PKIB: variants seen among roughly 807,000 people sequenced by gnomAD.
The protein encoded by PKIB is PKI-beta.
PKIB carries 2 observed loss-of-function variants against 4.5 expected under a neutral mutation model. The observed-to-expected ratio is 0.44, with a 90% confidence interval of 0.18 to 1.39. The LOEUF (loss-of-function observed/expected upper bound fraction) is 1.39. Ranked by LOEUF, PKIB falls within the 40% of genes most tolerant of loss-of-function variation. The pLI is 0.27. For synonymous variants in PKIB, 38 were observed against 36.0 expected (o/e 1.06, Z -0.20); for missense variants, 94 against 92.6 (o/e 1.02, Z -0.06).
At chr6:122,587,635 C>T (rs370529432) in intron 3 of PKIB, among the ~76,000 whole-genome samples, 7 of 152,010 alleles carry the variant, frequency 4.6e-5, no homozygotes, top group African/African-American at 9.7e-5. Context: ...TAGTTTACAG[C>T]CCCACCAACA....
At chr6:122,612,292 A>C (rs1434690824) in intron 1 of PKIB, among the ~76,000 whole-genome samples, 1 of 152,158 alleles carries the variant, frequency 6.6e-6, no homozygotes, top group African/African-American at 2.4e-5. Context: ...AATATTTAAA[A>C]ATTATATTTC....
intron 3 of PKIB, among the ~76,000 whole-genome samples, chr6:122,709,504 AAC>A (rs1448237519): frequency 6.6e-6 from 1 of 152,114 alleles, no homozygotes; most frequent in Non-Finnish European, 1.5e-5. Flanking sequence ...TTTAATTAAA[AAC>A]AGTTTACTAT....
At chr6:122,484,323 A>G (rs1302724830) in intron 2 of PKIB, among the ~76,000 whole-genome samples, 1 of 152,208 alleles carries the variant, frequency 6.6e-6, no homozygotes, top group Non-Finnish European at 1.5e-5. Flanking sequence ...TGTATAAAAT[A>G]ATTTCGTATG....
chr6:122,568,874 C>T (rs998698407), intron 2 of PKIB, among the ~76,000 whole-genome samples: 8 of 152,064 alleles, frequency 5.3e-5, no homozygotes, highest in South Asian at 2.1e-4. Context: ...CTTATGGCCT[C>T]GGGCAGGTCT....
At chr6:122,682,682 A>T (rs1455393379) in intron 3 of PKIB, among the ~76,000 whole-genome samples, 4 of 151,970 alleles carry the variant, frequency 2.6e-5, no homozygotes, top group Admixed American at 2.6e-4. Context: ...GCTGCCCATC[A>T]CCTCTCGTCT....
intron 2 of PKIB, among the ~76,000 whole-genome samples, chr6:122,502,102 A>G (rs1421411087): frequency 1.3e-5 from 2 of 151,686 alleles, no homozygotes; most frequent in East Asian, 3.9e-4. Flanking sequence ...ACAGGCCTGC[A>G]CCACCACACC....
At chr6:122,518,186 C>T (rs575737884) in intron 2 of PKIB, among the ~76,000 whole-genome samples, 1 of 152,072 alleles carries the variant, frequency 6.6e-6, no homozygotes, top group Non-Finnish European at 1.5e-5. Context: ...CTTCTTTGAG[C>T]TTATTTGCCC....
intron 2 of PKIB, among the ~76,000 whole-genome samples, chr6:122,549,605 C>G (rs977106486): frequency 2.6e-5 from 4 of 152,056 alleles, no homozygotes; most frequent in African/African-American, 9.6e-5. Context: ...AGAAAAATAA[C>G]ATTTTTGACT....
intron 2 of PKIB, among the ~76,000 whole-genome samples, chr6:122,648,626 T>A (rs900471555): frequency 1.3e-5 from 2 of 152,206 alleles, no homozygotes; most frequent in African/African-American, 4.8e-5. Context: ...ACTGTAAGCA[T>A]GGATGAATTA....
chr6:122,563,061 T>G (rs1773079671), intron 2 of PKIB, among the ~76,000 whole-genome samples: 1 of 152,118 alleles, frequency 6.6e-6, no homozygotes, highest in Non-Finnish European at 1.5e-5. Flanking sequence ...TTACCAGGGT[T>G]GGTTTTCTGG....
chr6:122,529,807 T>C (rs1777203568), intron 2 of PKIB, among the ~76,000 whole-genome samples: 2 of 152,276 alleles, frequency 1.3e-5, no homozygotes, highest in African/African-American at 4.8e-5. Flanking sequence ...CCTGATAATC[T>C]TATGGAAACT....
intron 3 of PKIB, among the ~76,000 whole-genome samples, chr6:122,691,746 G>A (rs939693080): frequency 6.6e-6 from 1 of 152,038 alleles, no homozygotes; most frequent in African/African-American, 2.4e-5. Flanking sequence ...TGTTTTTGAT[G>A]CTTGTGGATG....
At chr6:122,478,949 A>T (rs369078873) in intron 2 of PKIB, 76 of 152,228 alleles carry the variant, frequency 5.0e-4, no homozygotes, top group African/African-American at 1.7e-3. Flanking sequence ...TCTGGGCTAG[A>T]ATGCACCATT....
At position 122,622,725 on chromosome 6, in the gene PKIB, G is replaced by A. The variant is rs566242618; in HGVS notation, c.-160-10558G>A. On this transcript the variant is annotated intron_variant, in intron 1 of 4. Coordinates refer to ENST00000368452, the MANE Select transcript of PKIB (RefSeq NM_181795.3). Reference sequence around the variant, plus strand: ...GCAGTAGTGGGGGCTCACCCCTACCGGAGAAGTAGTACAGTCTGGCAGGGT... The same window carrying A: ...GCAGTAGTGGGGGCTCACCCCTACCAGAGAAGTAGTACAGTCTGGCAGGGT... 1.1e-3 allele frequency among the ~76,000 whole-genome samples: 167 copies of A among 149,258 alleles called. 2 individuals are homozygous for A. The highest frequency in any genetic ancestry group is 4.2e-3 in the South Asian group (20 of 4,808).
intron 2 of PKIB, among the ~76,000 whole-genome samples, chr6:122,639,398 T>C (rs1019073748): frequency 1.3e-5 from 2 of 152,226 alleles, no homozygotes; most frequent in African/African-American, 4.8e-5. Context: ...CAATTAATGT[T>C]TGCAGTGTGC....
At chr6:122,699,954 G>A (rs1302186736) in intron 3 of PKIB, among the ~76,000 whole-genome samples, 1 of 152,126 alleles carries the variant, frequency 6.6e-6, no homozygotes. Flanking sequence ...AATTTAGGAA[G>A]ATCCTAGTCA....
rs117821204 is a variant in PKIB at position 122,655,974 on chromosome 6, G to A, written c.-75-19104G>A. 9.0e-3 allele frequency among the ~76,000 whole-genome samples: 1,365 copies of A among 152,038 alleles called. 7 individuals are homozygous for A. Among genetic ancestry groups the A allele is most frequent in the Middle Eastern group, 0.021 (6 of 292 alleles). ...TGAAATTGTAAAAATTGAGCTCAAC[G>A]GTAACCATATTATATTTTTGTATTT... On this transcript the variant is annotated intron_variant, in intron 2 of 4. Coordinates refer to ENST00000368452, the MANE Select transcript of PKIB (RefSeq NM_181795.3).
chr6:122,712,626 T>C (rs1016650467), intron 3 of PKIB, among the ~76,000 whole-genome samples: 2 of 152,186 alleles, frequency 1.3e-5, no homozygotes, highest in African/African-American at 2.4e-5. Context: ...TTCTTTGTTA[T>C]TTTGTGTTTT....
chr6:122,539,171 A>G (rs1402345076), intron 2 of PKIB, among the ~76,000 whole-genome samples: 1 of 151,950 alleles, frequency 6.6e-6, no homozygotes, highest in African/African-American at 2.4e-5. Context: ...AATACCCTTT[A>G]TTTCCTTCTC....
Sources: allele counts gnomAD v4.1 joint callset (sites outside exome capture counted in the v4.1 genomes callset), GRCh38; gene constraint gnomAD v4.1.1; transcripts MANE v1.5; gene names NCBI Gene and HGNC (gene_info 2026-07-23, HGNC 2026-07-21).